PGAP1: variants seen among roughly 807,000 people sequenced by gnomAD.
The protein encoded by PGAP1 is post-GPI attachment to proteins inositol deacylase 1.
In PGAP1, 76 loss-of-function variants were observed where a neutral mutation model predicts 127.0. That is an observed-to-expected ratio of 0.60 (90% CI 0.50 to 0.72). PGAP1 has a LOEUF of 0.72. PGAP1 is among the 30% of genes least tolerant of loss of function. The probability of loss-of-function intolerance (pLI) is 0.00; values close to 1 mark genes in which losing one functional copy is unlikely to be tolerated. For synonymous variants in PGAP1, 362 were observed against 366.5 expected (o/e 0.99, Z 0.14); for missense variants, 982 against 1,071.3 (o/e 0.92, Z 1.16).
At chr2:196,896,806 G>C (rs1702291387) in intron 7 of PGAP1, among the ~76,000 whole-genome samples, 1 of 134,060 alleles carries the variant, frequency 7.5e-6, no homozygotes, top group African/African-American at 2.9e-5. Flanking sequence ...TCCAGCCTGT[G>C]CAACAGAGTG....
chr2:196,887,367 G>C (rs577021944), intron 10 of PGAP1, among the ~76,000 whole-genome samples: 39 of 152,214 alleles, frequency 2.6e-4, no homozygotes, highest in African/African-American at 9.4e-4. Context: ...CTGGGCGACA[G>C]AGCGAGACTC....
intron 1 of PGAP1, chr2:196,922,347 T>C (rs1703223322): frequency 1.0e-6 from 1 of 982,086 alleles, no homozygotes; most frequent in Admixed American, 6.2e-5. Flanking sequence ...AAAAAAGATT[T>C]TGATCTAGAT....
At chr2:196,900,398 T>C in intron 5 of PGAP1, among the ~76,000 whole-genome samples, 1 of 152,242 alleles carries the variant, frequency 6.6e-6, no homozygotes, top group East Asian at 1.9e-4. Flanking sequence ...TAAAAGATTT[T>C]CCAGTCCTAA....
At chr2:196,876,087 T>C (rs1701561383) in intron 13 of PGAP1, among the ~76,000 whole-genome samples, 1 of 152,152 alleles carries the variant, frequency 6.6e-6, no homozygotes, top group South Asian at 2.1e-4. Flanking sequence ...ATAGCAGTTT[T>C]TTTATAGTTA....
In PGAP1 at chr2:196,833,498, T is replaced by C. The variant is rs1020977810; in HGVS notation, c.*7736A>G. On this transcript the variant is annotated 3_prime_UTR_variant, in exon 27 of 27. Coordinates refer to ENST00000354764, the MANE Select transcript of PGAP1 (RefSeq NM_024989.4). ...ACTGAGTCTATCTCAGCATAACACA[T>C]AGGTTGTCCTCTATAAATTTTTTAA... is the stretch of plus-strand genomic sequence containing the variant. 3 of 152,138 alleles carry C rather than the reference T, an allele frequency of 2.0e-5. No homozygotes were observed. Among genetic ancestry groups the C allele is most frequent in the African/African-American group, 4.8e-5 (2 of 41,442 alleles). 9.4% of individuals were successfully genotyped at this position (152,138 alleles called of 1,614,324 possible).
chr2:196,866,152 C>G (rs1013016010), intron 19 of PGAP1, among the ~76,000 whole-genome samples: 3 of 152,144 alleles, frequency 2.0e-5, no homozygotes, highest in Admixed American at 2.0e-4. Flanking sequence ...AAAAAAGAGC[C>G]AGCATAGCCA....
At position 196,913,047 on chromosome 2, in the gene PGAP1, C is replaced by A; in HGVS notation, c.484G>T (p.Glu162Ter). Reference sequence around the variant, plus strand: ...ATTGCCACACTTTTTGGAGCAAATTCTTGACCCTATTAAAATAAATCACCA... The same window carrying A: ...ATTGCCACACTTTTTGGAGCAAATTATTGACCCTATTAAAATAAATCACCA... ...KTILKLYKGQ[E>*]FAPKSVAIIG... Residue 162 changes from glutamate to a stop codon, truncating the protein, a stop_gained, in exon 4 of 27, where the codon GAA (glutamate) becomes TAA (stop). Coordinates refer to ENST00000354764, the MANE Select transcript of PGAP1 (RefSeq NM_024989.4). LOFTEE classifies it high-confidence loss of function. 2 of 1,604,138 alleles carry A rather than the reference C, an allele frequency of 1.2e-6. No individual in the cohort carries two copies. Among genetic ancestry groups the A allele is most frequent in the Non-Finnish European group, 1.7e-6 (2 of 1,175,330 alleles).
intron 12 of PGAP1, among the ~76,000 whole-genome samples, chr2:196,882,005 C>A (rs1157752329): frequency 6.6e-6 from 1 of 151,980 alleles, no homozygotes; most frequent in Non-Finnish European, 1.5e-5. Context: ...GTTTTTAATC[C>A]ATCCTGAGTT....
At chr2:196,856,438 T>G (rs1428914672) in intron 20 of PGAP1, among the ~76,000 whole-genome samples, 2 of 152,250 alleles carry the variant, frequency 1.3e-5, no homozygotes, top group African/African-American at 4.8e-5. Context: ...TGTTTTCAAG[T>G]TCTTGATAGA....
intron 12 of PGAP1, among the ~76,000 whole-genome samples, chr2:196,884,449 A>G (rs1355249909): frequency 6.6e-6 from 1 of 152,204 alleles, no homozygotes; most frequent in Non-Finnish European, 1.5e-5. Flanking sequence ...ATATGTACAA[A>G]TAAGATTGAC....
Position 196,919,940 on chromosome 2 carries a change from T to C in PGAP1, c.301+57A>G, listed in dbSNP as rs1559373682. On this transcript the variant is annotated intron_variant, in intron 2 of 26. Coordinates refer to ENST00000354764, the MANE Select transcript of PGAP1 (RefSeq NM_024989.4). The stretch of plus-strand genomic sequence containing the variant: ...TTTGATTCACCGAGTATGGATATGA[T>C]TCAAATTCTTGAGTTGAATTTTATA... The C allele has an allele frequency of 2.0e-6, 3 of 1,527,430 alleles. No individual in the cohort carries two copies. In the South Asian group the frequency reaches 3.7e-5, roughly 19 times the overall value. The allele number at this position is 1,527,430 out of a possible 1,614,324, so 94.6% of individuals were successfully genotyped here. A position where few individuals can be genotyped will look rare whatever the true frequency, so the allele number is the denominator to read the frequency against.
At chr2:196,843,372 A>G (rs1279157601) in intron 25 of PGAP1, among the ~76,000 whole-genome samples, 1 of 152,208 alleles carries the variant, frequency 6.6e-6, no homozygotes, top group African/African-American at 2.4e-5. Flanking sequence ...ATTAAAATCT[A>G]GCAACCTTTG....
intron 13 of PGAP1, among the ~76,000 whole-genome samples, chr2:196,878,570 GT>G (rs1169034446): frequency 6.6e-6 from 1 of 152,098 alleles, no homozygotes; most frequent in African/African-American, 2.4e-5. Flanking sequence ...TACCTAGTCT[GT>G]TTCTGATCTA....
At chr2:196,921,548 A>C (rs1297869748) in intron 1 of PGAP1, among the ~76,000 whole-genome samples, 1 of 152,152 alleles carries the variant, frequency 6.6e-6, no homozygotes, top group Non-Finnish European at 1.5e-5. Flanking sequence ...ATTTCCTCCC[A>C]ATTTAGTACA....
chr2:196,847,605 A>G (rs1700596270), intron 21 of PGAP1: 1 of 196,976 alleles, frequency 5.1e-6, no homozygotes, highest in South Asian at 1.2e-4. Context: ...TATACTTTTA[A>G]AAGTGATCAG....
intron 12 of PGAP1, among the ~76,000 whole-genome samples, chr2:196,884,968 C>T (rs1701850583): frequency 6.6e-6 from 1 of 152,076 alleles, no homozygotes; most frequent in Admixed American, 6.6e-5. Context: ...GACTTATCAC[C>T]CTGGAGAGCA....
In PGAP1 at chr2:196,841,231, A is replaced by G. The variant is rs967849172; in HGVS notation, c.*3T>C. On this transcript the variant is annotated 3_prime_UTR_variant, in exon 27 of 27. Coordinates refer to ENST00000354764, the MANE Select transcript of PGAP1 (RefSeq NM_024989.4). Reference sequence around the variant, plus strand: ...TTATCTTCATCATTCCTTAAGTCCAATCTTACATAAAGTTGCATAATGCAT... The same window carrying G: ...TTATCTTCATCATTCCTTAAGTCCAGTCTTACATAAAGTTGCATAATGCAT... 48 of 1,611,078 alleles carry G rather than the reference A, an allele frequency of 3.0e-5. No homozygotes were observed. Among genetic ancestry groups the G allele is most frequent in the Non-Finnish European group, 3.9e-5 (46 of 1,178,866 alleles).
In PGAP1 at chr2:196,870,861, T is replaced by C. The variant is rs1343356484; in HGVS notation, c.1767+80A>G. 3 of 1,234,926 alleles carry C rather than the reference T, an allele frequency of 2.4e-6. No homozygotes were observed. In the East Asian group the frequency reaches 7.2e-5, roughly 30 times the overall value. The allele number at this position is 1,234,926 out of a possible 1,614,324, so 76.5% of individuals were successfully genotyped here. A position where few individuals can be genotyped will look rare whatever the true frequency, so the allele number is the denominator to read the frequency against. On this transcript the variant is annotated intron_variant, in intron 19 of 26. Coordinates refer to ENST00000354764, the MANE Select transcript of PGAP1 (RefSeq NM_024989.4). ...AAATTATTGATTATCCAGCCCCTTA[T>C]GGAAAAAGTCTACAACCCTTCCTTA... is the stretch of plus-strand genomic sequence containing the variant.
intron 19 of PGAP1, 91 bp downstream of exon 19, chr2:196,870,850 C>A: frequency 9.2e-7 from 1 of 1,092,694 alleles, no homozygotes; most frequent in South Asian, 1.4e-5. Flanking sequence ...TATTGATTAT[C>A]CAGCCCCTTA....
Sources: gnomAD v4.1 joint callset for allele counts (sites outside exome capture counted in the v4.1 genomes callset) on GRCh38, gnomAD v4.1.1 for gene constraint, MANE v1.5 for transcripts, NCBI Gene and HGNC (gene_info 2026-07-23, HGNC 2026-07-21) for gene names.